The following FBN1 variants were observed in gnomAD, a reference collection of about 807,000 sequenced individuals.
FBN1 encodes fibrillin-1.
FBN1 carries 29 observed loss-of-function variants against 365.1 expected under a neutral mutation model. That is an observed-to-expected ratio of 0.08 (90% CI 0.06 to 0.11). FBN1 has a LOEUF of 0.11. FBN1 is among the 10% of genes least tolerant of loss of function. The probability of loss-of-function intolerance (pLI) is 1.00; values close to 1 mark genes in which losing one functional copy is unlikely to be tolerated. For missense variants in FBN1, 2,476 were observed against 3,703.2 expected, an observed-to-expected ratio of 0.67 and a Z score of 8.60; for synonymous variants, 1,210 against 1,270.5, an observed-to-expected ratio of 0.95 and a Z score of 1.01.
rs2043269605 is a variant in FBN1 at position 48,460,098 on chromosome 15, T to TTGTTTCAAACTAAGAATCAG, written c.5296+128_5296+147dup. The TTGTTTCAAACTAAGAATCAG allele has an allele frequency of 7.2e-6, 5 of 694,006 alleles. No homozygotes were observed. In the South Asian group the frequency reaches 7.9e-5, roughly 11 times the overall value. 43.0% of individuals were successfully genotyped at this position (694,006 alleles called of 1,614,324 possible). ...GAGCTGCACAGGGTGTTTGCACAGT[T>TTGTTTCAAACTAAGAATCAG]TGTTTCAAACTAAGAATCAGTGTTT... On this transcript the variant is annotated intron_variant, in intron 43 of 65. Coordinates refer to ENST00000316623, the MANE Select transcript of FBN1 (RefSeq NM_000138.5).
In FBN1 at chr15:48,495,506, A is replaced by T. The variant is rs754372754; in HGVS notation, c.2502T>A (p.Ser834=). 2.8e-5 allele frequency: 45 copies of T among 1,613,988 alleles called. No individual in the cohort carries two copies. Among genetic ancestry groups the T allele is most frequent in the Non-Finnish European group, 3.8e-5 (45 of 1,179,992 alleles). Residue 834 remains serine (S), a synonymous_variant, in exon 21 of 66, where the codon TCT becomes TCA. Transcript: ENST00000316623. The part of the protein sequence containing the change: ...SPGSFICECS[S]ESTLDPTKTI... The stretch of plus-strand genomic sequence containing the variant: ...TTTTTGTTGGATCCAAAGTACTTTC[A>T]GAAGAACATTCACAAATAAAAGAGC...
intron 2 of FBN1, among the ~76,000 whole-genome samples, chr15:48,615,000 T>TC (rs1299524235): frequency 6.6e-6 from 1 of 152,174 alleles, no homozygotes; most frequent in African/African-American, 2.4e-5. Flanking sequence ...GTCCAGAAGT[T>TC]CCTGGGGAAA....
intron 49 of FBN1, among the ~76,000 whole-genome samples, chr15:48,442,749 G>C (rs2043126293): frequency 6.6e-6 from 1 of 152,156 alleles, no homozygotes; most frequent in African/African-American, 2.4e-5. Context: ...ATTACCTATG[G>C]AAAAATATGC....
chr15:48,498,303 CAAT>C (rs2043625120), intron 18 of FBN1, among the ~76,000 whole-genome samples: 1 of 152,148 alleles, frequency 6.6e-6, no homozygotes, highest in South Asian at 2.1e-4. Context: ...CATTCACGCA[CAAT>C]GATGAAACTA....
chr15:48,471,591 A>G (rs1054141403), intron 35 of FBN1, among the ~76,000 whole-genome samples: 1 of 152,232 alleles, frequency 6.6e-6, no homozygotes, highest in African/African-American at 2.4e-5. Flanking sequence ...TATTTAATAT[A>G]AACTGTATAA....
chr15:48,578,691 T>C (rs2044367656), intron 6 of FBN1, among the ~76,000 whole-genome samples: 1 of 150,816 alleles, frequency 6.6e-6, no homozygotes, highest in Admixed American at 6.6e-5. Context: ...AAATGATGCA[T>C]TCATGTCCTT....
chr15:48,613,855 G>A (rs184550721), intron 2 of FBN1, among the ~76,000 whole-genome samples: 2 of 152,290 alleles, frequency 1.3e-5, no homozygotes, highest in East Asian at 3.9e-4. Flanking sequence ...TTGAATCTGG[G>A]AGGCAGAGGC....
intron 6 of FBN1, among the ~76,000 whole-genome samples, chr15:48,568,057 A>AAAGAAAGAAAG (rs1566928798): frequency 4.3e-4 from 49 of 113,070 alleles, no homozygotes; most frequent in African/African-American, 1.1e-3. Flanking sequence ...AAGAAGAAAG[A>AAAGAAAGAAAG]AAGAAAGAAA....
intron 63 of FBN1, among the ~76,000 whole-genome samples, chr15:48,419,918 T>TA (rs1380992184): frequency 6.6e-6 from 1 of 152,184 alleles, no homozygotes; most frequent in Non-Finnish European, 1.5e-5. Context: ...ATCAGAAAGT[T>TA]AAGAGTTGTG....
chr15:48,629,947 G>A (rs1889953341), intron 2 of FBN1, among the ~76,000 whole-genome samples: 1 of 152,210 alleles, frequency 6.6e-6, no homozygotes, highest in East Asian at 1.9e-4. Context: ...CCCCCATTAA[G>A]AGACAACAGT....
At chr15:48,490,965 A>G (rs2043553294) in intron 24 of FBN1, among the ~76,000 whole-genome samples, 1 of 152,250 alleles carries the variant, frequency 6.6e-6, no homozygotes, top group South Asian at 2.1e-4. Flanking sequence ...TGGGGTCATT[A>G]ACAATATATC....
rs1555405273 is a variant in FBN1, at chr15:48,605,212, T to TA, written c.347-4979_347-4978insT. On this transcript the variant is annotated intron_variant, in intron 4 of 65. Coordinates refer to ENST00000316623, the MANE Select transcript of FBN1 (RefSeq NM_000138.5). ...TAGCTAAAACAAAAAAAGGATAAAG[T>TA]GGGGAAGATCTGCCTACCCATCTGG... Among the ~76,000 whole-genome samples, 6 of 152,170 alleles carry TA rather than the reference T, an allele frequency of 3.9e-5. No homozygotes were observed. The East Asian group carries it at 1.2e-3, about 29-fold the overall frequency.
chr15:48,501,307 A>G (rs950963043), intron 17 of FBN1, among the ~76,000 whole-genome samples: 11 of 152,152 alleles, frequency 7.2e-5, no homozygotes, highest in Non-Finnish European at 1.5e-4. Flanking sequence ...GTTAGTTATC[A>G]TGAGAGTGAC....
chr15:48,482,884 G>A lies in FBN1; in HGVS notation c.3838+934C>T, dbSNP rs146219047. Reference sequence around the variant, plus strand: ...AAAGCCTCATAATTCACAGGGAATTGGGTAGAATATCCAGAAGGGTCTTAC... The same window carrying A: ...AAAGCCTCATAATTCACAGGGAATTAGGTAGAATATCCAGAAGGGTCTTAC... On this transcript the variant is annotated intron_variant, in intron 31 of 65. Coordinates refer to ENST00000316623, the MANE Select transcript of FBN1 (RefSeq NM_000138.5). 2.6e-5 allele frequency among the ~76,000 whole-genome samples: 4 copies of A among 152,276 alleles called. No homozygotes were observed. In the East Asian group the frequency reaches 7.7e-4, roughly 29 times the overall value.
intron 27 of FBN1, 24 bp downstream of exon 27, chr15:48,488,089 T>C: frequency 3.1e-6 from 5 of 1,614,154 alleles, no homozygotes; most frequent in Non-Finnish European, 4.2e-6. Context: ...TCTTTCTGTG[T>C]TGATCAAATG....
intron 2 of FBN1, among the ~76,000 whole-genome samples, chr15:48,625,201 A>G (rs898780056): frequency 6.6e-6 from 1 of 152,318 alleles, no homozygotes; most frequent in Admixed American, 6.5e-5. Context: ...TCCAATAGAA[A>G]CAATGTTAAT....
rs2043050683 is a variant in FBN1 at position 48,434,628 on chromosome 15, C to A, written c.6582G>T (p.Glu2194Asp). The A allele has an allele frequency of 6.2e-6, 10 of 1,613,846 alleles. No homozygotes were observed. Among genetic ancestry groups the A allele is most frequent in the Non-Finnish European group, 8.5e-6 (10 of 1,179,800 alleles). The part of the protein sequence containing the change: ...VIGGFECTCE[E>D]GFEPGPMMTC... ...TCATCATTGGACCGGGCTCAAATCC[C>A]TCCTCGCAGGTGCATTCAAAACCTC... The change falls in exon 54 of 66, where the codon GAG becomes GAT. Residue 2194 changes from glutamate to aspartate, a missense_variant. This residue lies in a region of FBN1 where 1,780 missense variants were observed against 2,840.8 expected (regional missense o/e 0.63). Coordinates refer to ENST00000316623, the MANE Select transcript of FBN1 (RefSeq NM_000138.5).
At position 48,408,433 on chromosome 15, in the gene FBN1, A is replaced by G. The variant is rs1217866751; in HGVS notation, c.*2557T>C. On this transcript the variant is annotated 3_prime_UTR_variant, in exon 66 of 66. Transcript: ENST00000316623. ...GGCTGAGTAAACTGCTATTTGTTGAACAAAAATGTAGTTGTTTGTGCAAGT... is the reference window on the plus strand; with the variant it reads ...GGCTGAGTAAACTGCTATTTGTTGAGCAAAAATGTAGTTGTTTGTGCAAGT... 1 of 152,670 alleles carries G rather than the reference A, an allele frequency of 6.6e-6. No individual in the cohort carries two copies. The highest frequency in any genetic ancestry group is 1.5e-5 in the Non-Finnish European group (1 of 68,044). 9.5% of individuals were successfully genotyped at this position (152,670 alleles called of 1,614,324 possible). A position where few individuals can be genotyped will look rare whatever the true frequency, so the allele number is the denominator to read the frequency against.
At chr15:48,544,714 CAGTT>C (rs1228131200) in intron 6 of FBN1, among the ~76,000 whole-genome samples, 4 of 152,150 alleles carry the variant, frequency 2.6e-5, no homozygotes, top group Admixed American at 6.6e-5. Context: ...ATGAAGAAAA[CAGTT>C]AGAAATCTTG....
Sources: gnomAD v4.1 joint callset for allele counts (sites outside exome capture counted in the v4.1 genomes callset) on GRCh38, gnomAD v4.1.1 for gene constraint, gnomAD v4.1.1 regional missense constraint, MANE v1.5 for transcripts, NCBI Gene and HGNC (gene_info 2026-07-23, HGNC 2026-07-21) for gene names.